KLF13: variants seen among roughly 807,000 people sequenced by gnomAD.
KLF13 encodes the protein KLF transcription factor 13.
KLF13 carries 8 observed loss-of-function variants against 16.7 expected under a neutral mutation model. The observed-to-expected ratio is 0.48, with a 90% CI of 0.28 to 0.87. The LOEUF (loss-of-function observed/expected upper bound fraction) is 0.87. Ranked by LOEUF, KLF13 falls within the 40% of genes least tolerant of loss-of-function variation. The pLI is 0.10. For missense variants in KLF13, 447 were observed against 452.2 expected, an observed-to-expected ratio of 0.99 and a Z score of 0.10; for synonymous variants, 245 against 208.4, an observed-to-expected ratio of 1.18 and a Z score of -1.51.
intron 1 of KLF13, among the ~76,000 whole-genome samples, chr15:31,367,129 G>A (rs941475360): frequency 2.0e-5 from 3 of 152,182 alleles, no homozygotes; most frequent in East Asian, 1.9e-4. Context: ...CCCTGTTCCC[G>A]CCTCCACCCG....
At chr15:31,433,917 C>T (rs1292556684) in intron 1 of KLF13, among the ~76,000 whole-genome samples, 3 of 152,234 alleles carry the variant, frequency 2.0e-5, no homozygotes, top group African/African-American at 4.8e-5. Flanking sequence ...TATCTGCCCT[C>T]GCCATGTGAA....
downstream of KLF13, among the ~76,000 whole-genome samples, chr15:31,378,486 C>T (rs998298077): frequency 1.3e-5 from 2 of 152,160 alleles, no homozygotes; most frequent in Admixed American, 1.3e-4. Context: ...ACACTAACTG[C>T]CCCTGGCTGT....
intron 1 of KLF13, among the ~76,000 whole-genome samples, chr15:31,426,159 A>G (rs2040398900): frequency 6.6e-6 from 1 of 152,288 alleles, no homozygotes; most frequent in East Asian, 1.9e-4. Context: ...AAGCCATTCA[A>G]CAAGTCTGTG....
At chr15:31,414,783 G>T (rs1263506041) in intron 1 of KLF13, among the ~76,000 whole-genome samples, 1 of 152,142 alleles carries the variant, frequency 6.6e-6, no homozygotes, top group East Asian at 1.9e-4. Flanking sequence ...ATGATAGAAT[G>T]ATTAGACAGA....
At chr15:31,362,365 C>G (rs548903940) in intron 1 of KLF13, among the ~76,000 whole-genome samples, 2 of 152,322 alleles carry the variant, frequency 1.3e-5, no homozygotes, top group South Asian at 4.1e-4. Context: ...TCCTACAAAG[C>G]TAGATTGGAC....
In KLF13 at chr15:31,423,164, T is replaced by TATATATAC. The variant is rs371896440; in HGVS notation, n.118-12206_118-12205insATATATAC. Among the ~76,000 whole-genome samples, 15 of 25,372 alleles carry TATATATAC rather than the reference T, an allele frequency of 5.9e-4. 1 individual carries two copies. The highest frequency in any genetic ancestry group is 4.6e-3 in the African/African-American group (13 of 2,802). The allele number at this position is 25,372 out of a possible 152,430, so 16.6% of individuals were successfully genotyped here. On this transcript the variant is annotated intron_variant and non_coding_transcript_variant, in intron 1 of 1. Transcript: ENST00000558225. Reference sequence around the variant, plus strand: ...GTATACGTATATATACGTATATATATGTATATATATACATATATACGTATA... The same window carrying TATATATAC: ...GTATACGTATATATACGTATATATATATATATACGTATATATATACATATATACGTATA...
At chr15:31,423,327 T>A (rs1166643603) in intron 1 of KLF13, among the ~76,000 whole-genome samples, 1 of 150,314 alleles carries the variant, frequency 6.7e-6, no homozygotes, top group Non-Finnish European at 1.5e-5. Flanking sequence ...AGACAGAAGA[T>A]TAATAAAGAA....
Position 31,410,221 on chromosome 15 carries a change from A to T in KLF13, n.117+16530A>T, listed in dbSNP as rs138950483. On this transcript the variant is annotated intron_variant and non_coding_transcript_variant, in intron 1 of 1. Coordinates refer to the KLF13 transcript ENST00000558225. ...TATGTATATTATAAAACCCAGGAAA[A>T]CCACCAAAAGTATAAAGAAGAGTTA... Among the ~76,000 whole-genome samples the T allele has an allele frequency of 3.8e-4, 58 of 152,166 alleles. 2 individuals carry two copies. The highest frequency in any genetic ancestry group is 1.4e-3 in the African/African-American group (57 of 41,526).
At chr15:31,404,676 C>G (rs949088062) in exon 3 of KLF13, 2 of 152,216 alleles carry the variant, frequency 1.3e-5, no homozygotes, top group Non-Finnish European at 2.9e-5. Flanking sequence ...GGTCCCCATC[C>G]CTGTTGTGGT....
intron 1 of KLF13, among the ~76,000 whole-genome samples, chr15:31,369,441 A>C (rs2039524026): frequency 6.6e-6 from 1 of 152,378 alleles, no homozygotes; most frequent in East Asian, 1.9e-4. Context: ...CTTGGCTCGG[A>C]GCTCTTGACC....
In KLF13 at chr15:31,375,655, C is replaced by T. The variant is rs1331447400; in HGVS notation, c.*3356C>T. The stretch of plus-strand genomic sequence containing the variant: ...TCCCAGACAAGGAAGCCCCTCTTTA[C>T]ATCAGCCATATTAGGGGAACGGTTG... On this transcript the variant is annotated 3_prime_UTR_variant, in exon 2 of 2. Coordinates refer to ENST00000307145, the MANE Select transcript of KLF13 (RefSeq NM_015995.4). 1 of 152,194 alleles carries T rather than the reference C, an allele frequency of 6.6e-6. No individual in the cohort carries two copies. The highest frequency in any genetic ancestry group is 6.5e-5 in the Admixed American group (1 of 15,276). 9.4% of individuals were successfully genotyped at this position (152,194 alleles called of 1,614,324 possible).
chr15:31,421,909 T>A (rs953155380), intron 1 of KLF13, among the ~76,000 whole-genome samples: 8 of 151,830 alleles, frequency 5.3e-5, no homozygotes, highest in African/African-American at 1.9e-4. Flanking sequence ...AGGTCAGGAG[T>A]TCGAGACCAG....
chr15:31,405,296 A>G (rs1156864858), downstream of KLF13, among the ~76,000 whole-genome samples: 1 of 152,226 alleles, frequency 6.6e-6, no homozygotes, highest in Non-Finnish European at 1.5e-5. Flanking sequence ...TCTGGCCAAC[A>G]AAACGAGACT....
chr15:31,390,859 T>C (rs1401142099), upstream of KLF13, among the ~76,000 whole-genome samples: 1 of 152,026 alleles, frequency 6.6e-6, no homozygotes, highest in Admixed American at 6.5e-5. Context: ...CTCCCTGAGC[T>C]GAAACAGGCT....
intron 1 of KLF13, among the ~76,000 whole-genome samples, chr15:31,331,320 G>A (rs2038827908): frequency 6.6e-6 from 1 of 152,248 alleles, no homozygotes; most frequent in Non-Finnish European, 1.5e-5. Flanking sequence ...GGGTGGAGGA[G>A]GGAAGTAGAG....
intron 1 of KLF13, among the ~76,000 whole-genome samples, chr15:31,348,068 G>A (rs1037944535): frequency 1.3e-5 from 2 of 152,244 alleles, no homozygotes; most frequent in African/African-American, 4.8e-5. Context: ...TATTTCTGAA[G>A]GCGGAAGGCA....
At chr15:31,367,590 A>C (rs1011389529) in intron 1 of KLF13, among the ~76,000 whole-genome samples, 16 of 152,202 alleles carry the variant, frequency 1.1e-4, no homozygotes, top group Admixed American at 2.6e-4. Flanking sequence ...CAGGCAGAAG[A>C]AGCTAAAGGA....
At chr15:31,429,917 G>T (rs1323476169) in intron 1 of KLF13, among the ~76,000 whole-genome samples, 1 of 151,950 alleles carries the variant, frequency 6.6e-6, no homozygotes, top group African/African-American at 2.4e-5. Context: ...GTTATTTTTA[G>T]TAGTGACAGG....
intron 1 of KLF13, among the ~76,000 whole-genome samples, chr15:31,411,389 A>ATT (rs1200797507): frequency 7.0e-6 from 1 of 141,910 alleles, no homozygotes. Flanking sequence ...ATACCAACAC[A>ATT]TTTTTTTTTT....
Sources: allele counts gnomAD v4.1 joint callset (sites outside exome capture counted in the v4.1 genomes callset), GRCh38; gene constraint gnomAD v4.1.1; transcripts MANE v1.5; gene names NCBI Gene and HGNC (gene_info 2026-07-23, HGNC 2026-07-21).